TAFA2: variants seen among roughly 807,000 people sequenced by gnomAD.
TAFA2 encodes the protein TAFA chemokine like family member 2.
A neutral mutation model predicts 18.8 loss-of-function variants in TAFA2; 7 were observed. The observed-to-expected ratio is 0.37, with a 90% CI of 0.21 to 0.70. The LOEUF is 0.70. Ranked by LOEUF, TAFA2 falls within the 30% of genes least tolerant of loss-of-function variation. The pLI, the probability that TAFA2 is intolerant of heterozygous loss-of-function variation, is 0.53. For missense variants in TAFA2, 122 were observed against 158.1 expected (o/e 0.77, Z 1.23); for synonymous variants, 60 against 54.2 (o/e 1.11, Z -0.47).
chr12:61,830,383 G>A (rs931948236), intron 2 of TAFA2, among the ~76,000 whole-genome samples: 1 of 150,926 alleles, frequency 6.6e-6, no homozygotes, highest in Non-Finnish European at 1.5e-5. Flanking sequence ...ATACATATAT[G>A]TATGATACAC....
At chr12:61,746,183 T>A (rs1868699565) in intron 4 of TAFA2, among the ~76,000 whole-genome samples, 1 of 152,028 alleles carries the variant, frequency 6.6e-6, no homozygotes, top group Admixed American at 6.6e-5. Flanking sequence ...TGATAGTGAG[T>A]GAGTCTCATG....
intron 1 of TAFA2, among the ~76,000 whole-genome samples, chr12:62,044,493 C>T (rs892508371): frequency 1.3e-5 from 2 of 152,040 alleles, no homozygotes; most frequent in Non-Finnish European, 2.9e-5. Context: ...TAAAGAAAGC[C>T]CGCATAACCT....
rs1426617712 is a variant in TAFA2 at position 61,901,246 on chromosome 12, C to T, written c.-1-33820G>A. Among the ~76,000 whole-genome samples the T allele has an allele frequency of 1.4e-5, 2 of 146,934 alleles. 1 individual carries two copies. Among genetic ancestry groups the T allele is most frequent in the Non-Finnish European group, 3.0e-5 (2 of 66,544 alleles). ...ACTTAATTTGCTTTCCAAGTTTTAA[C>T]TCTTCAATTTCACTTTTTTTTTTTT... is the stretch of plus-strand genomic sequence containing the variant. On this transcript the variant is annotated intron_variant, in intron 1 of 4. Transcript: ENST00000416284.
intron 1 of TAFA2, among the ~76,000 whole-genome samples, chr12:62,236,075 C>G (rs936749453): frequency 1.3e-5 from 2 of 151,682 alleles, no homozygotes; most frequent in African/African-American, 2.4e-5. Context: ...TGTGTTGTCT[C>G]AAGTATATCT....
At chr12:62,081,151 C>T (rs1443213165) in intron 1 of TAFA2, among the ~76,000 whole-genome samples, 2 of 152,038 alleles carry the variant, frequency 1.3e-5, no homozygotes, top group African/African-American at 2.4e-5. Context: ...ACCGAGATCG[C>T]GCCACTGCAC....
intron 1 of TAFA2, among the ~76,000 whole-genome samples, chr12:61,910,181 A>G (rs928923555): frequency 1.3e-5 from 2 of 151,504 alleles, no homozygotes; most frequent in Admixed American, 6.6e-5. Context: ...TCCCTCTTTC[A>G]GCTACTCAGG....
At chr12:62,021,600 C>A (rs114774599) in intron 1 of TAFA2, 2 of 985,436 alleles carry the variant, frequency 2.0e-6, no homozygotes, top group African/African-American at 1.6e-5. Context: ...TGACGGCAGG[C>A]GGTTCTGGCT....
At chr12:61,864,407 T>TAGAA (rs1234550784) in intron 2 of TAFA2, among the ~76,000 whole-genome samples, 3,022 of 148,176 alleles carry the variant, frequency 0.02, 82 homozygotes, top group African/African-American at 0.07. Context: ...TGTGTATATA[T>TAGAA]ATATTTCTAT....
intron 1 of TAFA2, among the ~76,000 whole-genome samples, chr12:62,106,865 G>A (rs1160221131): frequency 2.0e-5 from 2 of 101,670 alleles, no homozygotes; most frequent in Non-Finnish European, 4.0e-5. Flanking sequence ...AGAGCGTTCT[G>A]TTTTCCAAAG....
At chr12:62,112,743 C>G (rs1869788846) in intron 1 of TAFA2, among the ~76,000 whole-genome samples, 2 of 151,984 alleles carry the variant, frequency 1.3e-5, no homozygotes, top group African/African-American at 4.8e-5. Context: ...GATCTTCAAT[C>G]TCGTATCTTT....
At chr12:61,814,033 C>T (rs993939414) in intron 2 of TAFA2, among the ~76,000 whole-genome samples, 3 of 151,346 alleles carry the variant, frequency 2.0e-5, no homozygotes, top group Admixed American at 6.6e-5. Flanking sequence ...AGTTTACATT[C>T]GAGAAAAGGC....
intron 1 of TAFA2, among the ~76,000 whole-genome samples, chr12:62,066,995 T>C (rs1225402223): frequency 2.0e-5 from 3 of 152,122 alleles, no homozygotes; most frequent in African/African-American, 4.8e-5. Context: ...GTCTTTTGGA[T>C]AAAAGCCATT....
chr12:62,089,190 T>G lies in TAFA2; in HGVS notation c.-2+102069A>C, dbSNP rs182810707. Among the ~76,000 whole-genome samples, 756 of 152,242 alleles carry G rather than the reference T, an allele frequency of 5.0e-3. 5 individuals carry two copies. The highest frequency in any genetic ancestry group is 7.8e-3 in the Non-Finnish European group (530 of 68,004). On this transcript the variant is annotated intron_variant, in intron 1 of 4. Coordinates refer to ENST00000416284, the MANE Select transcript of TAFA2 (RefSeq NM_178539.5). The stretch of plus-strand genomic sequence containing the variant: ...CGTTTATTAACATTTGAAAGCAAAT[T>G]CGTCAAAATTTACACCTCTTGTTAC...
chr12:62,030,319 G>A (rs1178350206), intron 1 of TAFA2, among the ~76,000 whole-genome samples: 1 of 152,108 alleles, frequency 6.6e-6, no homozygotes, highest in African/African-American at 2.4e-5. Flanking sequence ...CTGGGAGTGT[G>A]TAAGAAGGAT....
At chr12:61,858,239 C>T (rs1184385487) in intron 2 of TAFA2, among the ~76,000 whole-genome samples, 1 of 152,194 alleles carries the variant, frequency 6.6e-6, no homozygotes, top group Admixed American at 6.5e-5. Context: ...TCTGGTGATA[C>T]TATCATGCTT....
At chr12:62,248,887 T>A (rs1032217060) in intron 1 of TAFA2, among the ~76,000 whole-genome samples, 4 of 152,106 alleles carry the variant, frequency 2.6e-5, no homozygotes, top group Non-Finnish European at 5.9e-5. Context: ...TCTGTACCCA[T>A]TAAACAACAA....
intron 1 of TAFA2, among the ~76,000 whole-genome samples, chr12:61,891,080 A>G (rs1368632857): frequency 6.6e-6 from 1 of 152,214 alleles, no homozygotes; most frequent in Non-Finnish European, 1.5e-5. Context: ...TAATTAACAG[A>G]AGTAACATAG....
intron 1 of TAFA2, among the ~76,000 whole-genome samples, chr12:61,896,832 T>C (rs897895734): frequency 6.6e-6 from 1 of 152,160 alleles, no homozygotes. Context: ...AAAACAGATG[T>C]AACTGCTTGC....
chr12:61,774,800 A>G (rs1345989346), intron 2 of TAFA2, among the ~76,000 whole-genome samples: 1 of 151,756 alleles, frequency 6.6e-6, no homozygotes, highest in Non-Finnish European at 1.5e-5. Flanking sequence ...TTCTGCATAA[A>G]CCTATTGAAA....
Sources: allele counts gnomAD v4.1 joint callset (sites outside exome capture counted in the v4.1 genomes callset), GRCh38; gene constraint gnomAD v4.1.1; transcripts MANE v1.5; gene names NCBI Gene and HGNC (gene_info 2026-07-23, HGNC 2026-07-21).